Variants in PHF3 observed in about 807,000 individuals in gnomAD.
The protein encoded by PHF3 is PHD finger protein 3.
A neutral mutation model predicts 178.4 loss-of-function variants in PHF3; 41 were observed. The ratio of observed to expected loss-of-function variants is 0.23; its 90% CI spans 0.18 to 0.30. The LOEUF is 0.30. PHF3 is among the 10% of genes least tolerant of loss of function. PHF3 has a pLI of 1.00. For missense variants in PHF3, 2,346 were observed against 2,398.1 expected (o/e 0.98, Z 0.45); for synonymous variants, 842 against 800.5 (o/e 1.05, Z -0.88).
chr6:63,713,855 T>C lies in PHF3; in HGVS notation c.*147T>C. On this transcript the variant is annotated 3_prime_UTR_variant, in exon 16 of 16. Transcript: ENST00000262043. ...CAGAACAGTAAATTCTGTGTGTTGGTACAGAGTGCTCTGTACCAGTGCTCA... is the reference window on the plus strand; with the variant it reads ...CAGAACAGTAAATTCTGTGTGTTGGCACAGAGTGCTCTGTACCAGTGCTCA... 1 of 641,712 alleles carries C rather than the reference T, an allele frequency of 1.6e-6. No individual in the cohort carries two copies. The highest frequency in any genetic ancestry group is 2.6e-6 in the Non-Finnish European group (1 of 377,818). The allele number at this position is 641,712 out of a possible 1,614,324, so 39.8% of individuals were successfully genotyped here.
rs1768257226 is a variant in PHF3 at position 63,718,479 on chromosome 6, T to TG, written c.*4771_*4772insG. ...GATAATCTCATCTGTTAATGTAACATTTATATAAAAGTTAACTTCCAAACT... is the reference window on the plus strand; with the variant it reads ...GATAATCTCATCTGTTAATGTAACATGTTATATAAAAGTTAACTTCCAAACT... On this transcript the variant is annotated 3_prime_UTR_variant, in exon 16 of 16. Coordinates refer to ENST00000262043, the MANE Select transcript of PHF3 (RefSeq NM_001370348.2). 6.6e-6 allele frequency among the ~76,000 whole-genome samples: 1 copy of TG among 152,034 alleles called. No homozygotes were observed. Among genetic ancestry groups the TG allele is most frequent in the Non-Finnish European group, 1.5e-5 (1 of 67,946 alleles).
chr6:63,641,526 G>A (rs1282739216), intron 1 of PHF3, among the ~76,000 whole-genome samples: 2 of 112,134 alleles, frequency 1.8e-5, no homozygotes, highest in Non-Finnish European at 3.5e-5. Flanking sequence ...TGTTAGGTGT[G>A]TATGTGTGTG....
Position 63,720,270 on chromosome 6 carries a change from AT to A in PHF3, c.*6564del. ...TTCAGCTTACACATTGATTTTTAAA[AT>A]TGTGTTTACACGTTGATTTTAAAAT... On this transcript the variant is annotated 3_prime_UTR_variant, in exon 16 of 16. Coordinates refer to ENST00000262043, the MANE Select transcript of PHF3 (RefSeq NM_001370348.2). The A allele has an allele frequency of 2.9e-6, 1 of 349,412 alleles. No homozygotes were observed. Among genetic ancestry groups the A allele is most frequent in the African/African-American group, 2.1e-5 (1 of 47,754 alleles). The allele number at this position is 349,412 out of a possible 1,614,324, so 21.6% of individuals were successfully genotyped here.
intron 4 of PHF3, 123 bp downstream of exon 4, chr6:63,686,034 A>G (rs570151492): frequency 5.8e-5 from 37 of 636,900 alleles, no homozygotes; most frequent in Admixed American, 1.2e-4. Flanking sequence ...GTGCAAAAAC[A>G]AAAAGCTTCA....
At chr6:63,698,868 A>G (rs1199339807) in intron 8 of PHF3, among the ~76,000 whole-genome samples, 1 of 152,140 alleles carries the variant, frequency 6.6e-6, no homozygotes, top group Non-Finnish European at 1.5e-5. Context: ...TATATAATAC[A>G]ATTTATTAAA....
At chr6:63,648,849 T>C (rs1337616932) in intron 2 of PHF3, among the ~76,000 whole-genome samples, 1 of 152,068 alleles carries the variant, frequency 6.6e-6, no homozygotes, top group Non-Finnish European at 1.5e-5. Flanking sequence ...TTTTAAGATA[T>C]GTAAGGAAAT....
chr6:63,670,329 C>T (rs1288682406), intron 2 of PHF3, among the ~76,000 whole-genome samples: 1 of 152,102 alleles, frequency 6.6e-6, no homozygotes, highest in African/African-American at 2.4e-5. Flanking sequence ...ACTGCAGTGG[C>T]GCTATCTCGG....
At chr6:63,700,683 AAG>A (rs1258867803) in intron 9 of PHF3, among the ~76,000 whole-genome samples, 1 of 152,104 alleles carries the variant, frequency 6.6e-6, no homozygotes, top group Non-Finnish European at 1.5e-5. Flanking sequence ...TCCTGGGTTC[AAG>A]TGATTCTCCT....
At position 63,721,349 on chromosome 6, in the gene PHF3, G is replaced by A. The variant is rs1374275670; in HGVS notation, c.*7641G>A. 6.4e-7 allele frequency: 1 copy of A among 1,551,844 alleles called. No individual in the cohort carries two copies. Among genetic ancestry groups the A allele is most frequent in the South Asian group, 1.2e-5 (1 of 84,064 alleles). On this transcript the variant is annotated 3_prime_UTR_variant, in exon 16 of 16. Transcript: ENST00000262043. ...GCAAACATCTGCAAGAAAAAGTTGT[G>A]CCATTTACTGTACATTCACCTCCAT... is the stretch of plus-strand genomic sequence containing the variant.
chr6:63,690,807 G>A (rs932679971), intron 4 of PHF3, among the ~76,000 whole-genome samples: 2 of 152,064 alleles, frequency 1.3e-5, no homozygotes, highest in Non-Finnish European at 2.9e-5. Flanking sequence ...AAATTGCTGT[G>A]TATATATCTC....
intron 6 of PHF3, among the ~76,000 whole-genome samples, chr6:63,697,290 A>AT (rs751664205): frequency 1.8e-4 from 27 of 151,906 alleles, no homozygotes; most frequent in Non-Finnish European, 3.2e-4. Context: ...CAGTTTTTCC[A>AT]TTTTTTTTCA....
Position 63,684,512 on chromosome 6 carries a change from A to G in PHF3, c.790A>G (p.Thr264Ala). The change falls in exon 4 of 16, where the codon ACT (threonine) becomes GCT (alanine). Residue 264 changes from threonine (T) to alanine (A), a missense_variant. By Grantham distance (58) the Thr-to-Ala change is moderately conservative (BLOSUM62 0). This residue lies in a region of PHF3 where 843 missense variants were observed against 795.2 expected (regional missense o/e 1.06). Transcript: ENST00000262043. ...NCSLLSETCV[T>A]IGEKKNEALM... ...TTCACTTCTTTCAGAGACTTGTGTT[A>G]CTATTGGAGAAAAGAAAAATGAAGC... is the stretch of plus-strand genomic sequence containing the variant. 2 of 1,613,344 alleles carry G rather than the reference A, an allele frequency of 1.2e-6. No individual in the cohort carries two copies. Among genetic ancestry groups the G allele is most frequent in the South Asian group, 1.1e-5 (1 of 90,920 alleles).
chr6:63,636,543 G>C (rs1304354546), intron 1 of PHF3: 2 of 152,198 alleles, frequency 1.3e-5, no homozygotes, highest in East Asian at 3.9e-4. Flanking sequence ...CCGTCTCGCA[G>C]GCCCCCGGAT....
intron 2 of PHF3, among the ~76,000 whole-genome samples, chr6:63,675,392 T>C (rs538644116): frequency 1.3e-5 from 2 of 152,184 alleles, no homozygotes; most frequent in Admixed American, 1.3e-4. Context: ...TCCTCTGTTA[T>C]AAAGTTGGCA....
chr6:63,679,609 G>C (rs1766337304), intron 2 of PHF3: 1 of 305,316 alleles, frequency 3.3e-6, no homozygotes, highest in East Asian at 7.8e-5. Context: ...TTTGATTCTA[G>C]CATGAACCTA....
At chr6:63,657,898 A>T (rs6914590) in intron 2 of PHF3, among the ~76,000 whole-genome samples, 4 of 152,216 alleles carry the variant, frequency 2.6e-5, no homozygotes, top group Admixed American at 1.3e-4. Flanking sequence ...TTGCTGTGGG[A>T]TAAGTAGGCT....
rs571462197 is a variant in PHF3 at position 63,698,196 on chromosome 6, A to G, written c.2681-27A>G. 9 of 1,563,370 alleles carry G rather than the reference A, an allele frequency of 5.8e-6. No homozygotes were observed. In the African/African-American group the frequency reaches 1.2e-4, roughly 21 times the overall value. On this transcript the variant is annotated intron_variant, in intron 6 of 15. Transcript: ENST00000262043. ...GAAAGATATTTTTAAAAGCAATGTA[A>G]TGAGTTTCGATATTTATTCAAATTA...
chr6:63,713,345 C>T lies in PHF3; in HGVS notation c.5757C>T (p.Asp1919=), dbSNP rs767134756. The change falls in exon 16 of 16, where the codon GAC becomes GAT. Residue 1919 remains aspartate, a synonymous_variant. Coordinates refer to ENST00000262043, the MANE Select transcript of PHF3 (RefSeq NM_001370348.2). ...GGCCATTTAATAGGGGTAAAGGGGA[C>T]CGCCAGAGATTTTATAGTGATTCAC... ...LDRPFNRGKG[D]RQRFYSDSHH... 7 of 1,613,894 alleles carry T rather than the reference C, an allele frequency of 4.3e-6. No individual in the cohort carries two copies. The South Asian group carries it at 7.7e-5, about 18-fold the overall frequency.
Position 63,713,472 on chromosome 6 carries a change from A to G in PHF3, c.5884A>G (p.Arg1962Gly). The G allele has an allele frequency of 1.9e-6, 3 of 1,613,904 alleles. No individual in the cohort carries two copies. Among genetic ancestry groups the G allele is most frequent in the Middle Eastern group, 1.7e-4 (1 of 6,056 alleles). Residue 1962 changes from arginine to glycine, a missense_variant, in exon 16 of 16, where the codon AGG (arginine) becomes GGG (glycine). By Grantham distance (125) the Arg-to-Gly change is moderately radical (BLOSUM62 -2). Around this residue, in one of 8 missense-constraint regions of PHF3, gnomAD observed 839 missense variants for 806.9 expected, o/e 1.04. Coordinates refer to ENST00000262043, the MANE Select transcript of PHF3 (RefSeq NM_001370348.2). ...SQDKDRDRKSREEGHKDKERA... is the reference protein window; with the variant it reads ...SQDKDRDRKSGEEGHKDKERA... ...AGACAAGGACAGAGACAGAAAAAGCAGGGAGGAAGGGCACAAAGATAAAGA... is the reference window on the plus strand; with the variant it reads ...AGACAAGGACAGAGACAGAAAAAGCGGGGAGGAAGGGCACAAAGATAAAGA...
Sources: allele counts gnomAD v4.1 joint callset (sites outside exome capture counted in the v4.1 genomes callset), GRCh38; gene constraint gnomAD v4.1.1; regional missense constraint gnomAD v4.1.1; transcripts MANE v1.5; gene names NCBI Gene and HGNC (gene_info 2026-07-23, HGNC 2026-07-21).